SLC7A14: variants seen among roughly 807,000 people sequenced by gnomAD.
SLC7A14 encodes the protein solute carrier family 7 member 14.
In SLC7A14, 37 loss-of-function variants were observed where a neutral mutation model predicts 60.2. The observed-to-expected ratio is 0.61, with a 90% CI of 0.47 to 0.81. The LOEUF is 0.81. SLC7A14 is among the 30% of genes least tolerant of loss of function. The pLI is 0.00. For missense variants in SLC7A14, 886 were observed against 982.7 expected (o/e 0.90, Z 1.32); for synonymous variants, 399 against 395.8 (o/e 1.01, Z -0.10).
chr3:170,470,184 G>A (rs1247401605), intron 7 of SLC7A14, among the ~76,000 whole-genome samples: 1 of 152,096 alleles, frequency 6.6e-6, no homozygotes. Flanking sequence ...AGTCTCTTGC[G>A]TGTCTAGTCC....
In SLC7A14 at chr3:170,480,792, C is replaced by T. The variant is rs773353916; in HGVS notation, c.1490G>A (p.Gly497Glu). 3 of 1,614,144 alleles carry T rather than the reference C, an allele frequency of 1.9e-6. No individual in the cohort carries two copies. The highest frequency in any genetic ancestry group is 1.6e-4 in the Middle Eastern group (1 of 6,062). The change falls in exon 7 of 8, where the codon GGG becomes GAG. Residue 497 changes from glycine to glutamate, a missense_variant. Coordinates refer to ENST00000231706, the MANE Select transcript of SLC7A14 (RefSeq NM_020949.3). ...PSLGDNEMLI[G>E]KSDKSTYNVN... ...GTTGTAGGTTGACTTGTCTGATTTC[C>T]CTATGAGCATCTCATTGTCTCCCAA... is the stretch of plus-strand genomic sequence containing the variant.
At chr3:170,515,024 ATATTTGG>A (rs1450783621) in intron 2 of SLC7A14, among the ~76,000 whole-genome samples, 2 of 152,112 alleles carry the variant, frequency 1.3e-5, no homozygotes, top group Non-Finnish European at 2.9e-5. Context: ...CTTGAAAATA[ATATTTGG>A]GCTAAGCACG....
rs146072018 is a variant in SLC7A14, at chr3:170,483,446, G to C, written c.983C>G (p.Ala328Gly). The C allele has an allele frequency of 1.2e-6, 2 of 1,614,220 alleles. No individual in the cohort carries two copies. The highest frequency in any genetic ancestry group is 1.7e-6 in the Non-Finnish European group (2 of 1,180,044). ...GAATTTGGCAGCATAGAACCCATGA[G>C]CCACAAACATCTCCATGAGTGGGGA... The part of the protein sequence containing the change: ...TESPLMEMFV[A>G]HGFYAAKFVV... The change falls in exon 6 of 8, where the codon GCT becomes GGT. Residue 328 changes from alanine (A) to glycine (G), a missense_variant. Ala to Gly is a moderately conservative substitution (Grantham distance 60, BLOSUM62 0). Transcript: ENST00000231706.
intron 6 of SLC7A14, 58 bp from the exon 7 acceptor site, chr3:170,481,224 C>T (rs934939615): frequency 3.3e-6 from 5 of 1,533,768 alleles, no homozygotes; most frequent in Admixed American, 3.9e-5. Context: ...GATTCCAGTG[C>T]AGCCAACATA....
intron 1 of SLC7A14, among the ~76,000 whole-genome samples, chr3:170,578,282 C>T (rs1473441839): frequency 1.3e-5 from 2 of 152,226 alleles, no homozygotes; most frequent in African/African-American, 4.8e-5. Context: ...TGGTCAATGA[C>T]ATCAATTGCA....
chr3:170,477,423 C>T (rs1386554143), intron 7 of SLC7A14, among the ~76,000 whole-genome samples: 1 of 152,226 alleles, frequency 6.6e-6, no homozygotes, highest in Admixed American at 6.5e-5. Flanking sequence ...CTAATCTTGG[C>T]TCTGCTATAT....
In SLC7A14 at chr3:170,526,673, A is replaced by G. The variant is rs771734196; in HGVS notation, c.264T>C (p.Ile88=). The G allele has an allele frequency of 1.3e-4, 207 of 1,614,110 alleles. No individual in the cohort carries two copies. The highest frequency in any genetic ancestry group is 1.6e-4 in the Non-Finnish European group (194 of 1,180,058). ...CGACGGCTGCAATGATGAAGGACAC[A>G]ATGACACCAGGTCCTGCCATTTCCT... The part of the protein sequence containing the change: ...VAKEMAGPGV[I]VSFIIAAVAS... The change falls in exon 2 of 8, where the codon ATT becomes ATC. Residue 88 remains isoleucine (I), a synonymous_variant. Transcript: ENST00000231706.
Position 170,466,921 on chromosome 3 carries a change from G to A in SLC7A14, c.*134C>T. 2 of 755,874 alleles carry A rather than the reference G, an allele frequency of 2.6e-6. No individual in the cohort carries two copies. Among genetic ancestry groups the A allele is most frequent in the Admixed American group, 2.6e-5 (1 of 38,654 alleles). The allele number at this position is 755,874 out of a possible 1,614,324, so 46.8% of individuals were successfully genotyped here. ...TGAAGAGCAAAAGTAGCAAATGACA[G>A]GCTATGACTAGGGATTGAATTTGGG... On this transcript the variant is annotated 3_prime_UTR_variant, in exon 8 of 8. Transcript: ENST00000231706.
chr3:170,476,954 A>G (rs1251348230), intron 7 of SLC7A14: 2 of 152,248 alleles, frequency 1.3e-5, no homozygotes, highest in Admixed American at 1.3e-4. Context: ...AGAACTGGCT[A>G]TAGAGTTTTC....
At chr3:170,578,492 C>T (rs114437277) in intron 1 of SLC7A14, among the ~76,000 whole-genome samples, 3,372 of 152,198 alleles carry the variant, frequency 0.022, 69 homozygotes, top group Non-Finnish European at 0.03. Context: ...TTTATAGAGG[C>T]GGTGTAGCAT....
intron 6 of SLC7A14, among the ~76,000 whole-genome samples, chr3:170,481,947 A>C (rs1711843618): frequency 6.6e-6 from 1 of 152,188 alleles, no homozygotes; most frequent in Non-Finnish European, 1.5e-5. Context: ...CCCAATAACT[A>C]CTATACCAGA....
chr3:170,522,163 GA>G (rs1713358786), intron 2 of SLC7A14, among the ~76,000 whole-genome samples: 1 of 152,154 alleles, frequency 6.6e-6, no homozygotes, highest in African/African-American at 2.4e-5. Context: ...TGCTGGCAAA[GA>G]ACTGGAACTT....
chr3:170,579,924 T>G (rs1052878329), intron 1 of SLC7A14, among the ~76,000 whole-genome samples: 1 of 152,246 alleles, frequency 6.6e-6, no homozygotes, highest in African/African-American at 2.4e-5. Flanking sequence ...CTTTGTTTTC[T>G]GGGTGAAGCA....
chr3:170,558,416 T>A (rs981088436), intron 1 of SLC7A14, among the ~76,000 whole-genome samples: 3 of 152,036 alleles, frequency 2.0e-5, no homozygotes, highest in Non-Finnish European at 4.4e-5. Flanking sequence ...ATAAATAAAG[T>A]CAGTGGATCA....
At chr3:170,531,709 G>A (rs1713685567) in intron 1 of SLC7A14, among the ~76,000 whole-genome samples, 1 of 152,138 alleles carries the variant, frequency 6.6e-6, no homozygotes, top group African/African-American at 2.4e-5. Context: ...TATAGTTTTG[G>A]AAGCTCATTG....
At chr3:170,525,783 G>A (rs1464735205) in intron 2 of SLC7A14, among the ~76,000 whole-genome samples, 2 of 152,192 alleles carry the variant, frequency 1.3e-5, no homozygotes, top group East Asian at 1.9e-4. Flanking sequence ...GGCCGGGAGC[G>A]GAGGTTCACG....
intron 4 of SLC7A14, among the ~76,000 whole-genome samples, chr3:170,487,991 A>G (rs1712088535): frequency 6.6e-6 from 1 of 152,242 alleles, no homozygotes; most frequent in African/African-American, 2.4e-5. Context: ...CTTTCAGATT[A>G]TGATAGTTAT....
chr3:170,475,700 G>A (rs1394891944), intron 7 of SLC7A14, among the ~76,000 whole-genome samples: 1 of 151,972 alleles, frequency 6.6e-6, no homozygotes, highest in Non-Finnish European at 1.5e-5. Context: ...GACCTGGGGT[G>A]GAGTTCAAAA....
intron 1 of SLC7A14, among the ~76,000 whole-genome samples, chr3:170,539,738 C>T (rs1463545443): frequency 1.3e-5 from 2 of 151,914 alleles, no homozygotes; most frequent in East Asian, 1.9e-4. Flanking sequence ...TAGTATTTTC[C>T]CCTTATCTGC....
Sources: gnomAD v4.1 joint callset for allele counts (sites outside exome capture counted in the v4.1 genomes callset) on GRCh38, gnomAD v4.1.1 for gene constraint, MANE v1.5 for transcripts, NCBI Gene and HGNC (gene_info 2026-07-23, HGNC 2026-07-21) for gene names.